COP1: variants seen among roughly 807,000 people sequenced by gnomAD.
COP1 encodes COP1 E3 ubiquitin ligase.
In COP1, 24 loss-of-function variants were observed where a neutral mutation model predicts 101.3. The ratio of observed to expected loss-of-function variants is 0.24; its 90% confidence interval spans 0.17 to 0.33. The LOEUF (loss-of-function observed/expected upper bound fraction) is 0.33, where lower values mean the gene tolerates loss of function less well. Ranked by LOEUF, COP1 falls within the 10% of genes least tolerant of loss-of-function variation. The pLI, the probability that COP1 is intolerant of heterozygous loss-of-function variation, is 1.00. For synonymous variants in COP1, 347 were observed against 341.9 expected, an observed-to-expected ratio of 1.01 and a Z score of -0.17; for missense variants, 663 against 906.2, an observed-to-expected ratio of 0.73 and a Z score of 3.45.
intron 6 of COP1, among the ~76,000 whole-genome samples, chr1:176,141,735 CTTT>C (rs113303187): frequency 7.0e-6 from 1 of 142,248 alleles, no homozygotes. Context: ...TTTTTCTTTT[CTTT>C]TTTTTTTTTT....
At chr1:176,061,362 T>C (rs1467058913) in intron 11 of COP1, among the ~76,000 whole-genome samples, 1 of 152,214 alleles carries the variant, frequency 6.6e-6, no homozygotes, top group Non-Finnish European at 1.5e-5. Context: ...GCATGGTGGC[T>C]CACGCCTGTA....
intron 9 of COP1, among the ~76,000 whole-genome samples, chr1:176,096,970 G>C (rs1197397810): frequency 1.3e-5 from 2 of 152,008 alleles, no homozygotes; most frequent in Non-Finnish European, 2.9e-5. Flanking sequence ...AGTCCTTTTT[G>C]GTTTGATACC....
At chr1:176,036,481 C>A in intron 14 of COP1, among the ~76,000 whole-genome samples, 2 of 141,978 alleles carry the variant, frequency 1.4e-5, no homozygotes, top group Non-Finnish European at 3.0e-5. Flanking sequence ...CACAGCTTCT[C>A]AGAGGTAATG....
chr1:175,971,643 C>A (rs764172564), intron 18 of COP1, among the ~76,000 whole-genome samples: 6 of 152,176 alleles, frequency 3.9e-5, no homozygotes, highest in Non-Finnish European at 7.3e-5. Context: ...TTCCCATGAG[C>A]TATTTCTGAG....
intron 14 of COP1, among the ~76,000 whole-genome samples, chr1:176,038,741 C>T (rs894861657): frequency 6.6e-6 from 1 of 151,928 alleles, no homozygotes; most frequent in Non-Finnish European, 1.5e-5. Context: ...TCGCTTGAAC[C>T]CGGGAGGCGG....
At chr1:175,968,511 T>C (rs1335640065) in intron 18 of COP1, 1 of 518,946 alleles carries the variant, frequency 1.9e-6, no homozygotes, top group Admixed American at 1.9e-5. Context: ...TTTTCATTTG[T>C]CCACATGGCT....
At chr1:175,949,909 AACTTCTG>A (rs1271980399) in intron 18 of COP1, among the ~76,000 whole-genome samples, 1 of 152,204 alleles carries the variant, frequency 6.6e-6, no homozygotes, top group Non-Finnish European at 1.5e-5. Context: ...ACATAATTGA[AACTTCTG>A]ACTTCTGATG....
intron 6 of COP1, among the ~76,000 whole-genome samples, chr1:176,144,354 T>C (rs1399481203): frequency 6.6e-6 from 1 of 152,148 alleles, no homozygotes; most frequent in Non-Finnish European, 1.5e-5. Context: ...TCATTTACAA[T>C]AGTATCAAAA....
At chr1:175,998,063 TA>T (rs57110017) in intron 15 of COP1, among the ~76,000 whole-genome samples, 1,647 of 66,804 alleles carry the variant, frequency 0.025, 8 homozygotes, top group Middle Eastern at 0.045. Context: ...AGAGTATAAT[TA>T]AAAAAAAAAA....
intron 9 of COP1, among the ~76,000 whole-genome samples, chr1:176,101,055 A>G (rs1413329629): frequency 1.3e-5 from 2 of 152,194 alleles, no homozygotes; most frequent in Admixed American, 6.5e-5. Context: ...GCTACTATCC[A>G]TGGCATAAAT....
chr1:176,041,808 A>G (rs1273718153), intron 14 of COP1, among the ~76,000 whole-genome samples: 1 of 152,094 alleles, frequency 6.6e-6, no homozygotes. Context: ...TCTACTAAAA[A>G]TTTTTAAAAA....
chr1:176,003,672 G>A (rs1179331508), intron 15 of COP1, among the ~76,000 whole-genome samples: 9 of 152,086 alleles, frequency 5.9e-5, no homozygotes, highest in East Asian at 3.9e-4. Context: ...GATACGTGGC[G>A]TTATTTCTGA....
intron 11 of COP1, among the ~76,000 whole-genome samples, chr1:176,070,766 C>T (rs1038961802): frequency 6.6e-5 from 10 of 152,168 alleles, no homozygotes; most frequent in Admixed American, 4.6e-4. Flanking sequence ...ATCCTTCCAC[C>T]TCACCCTCCT....
Position 175,949,168 on chromosome 1 carries a change from CAAAA to C in COP1, c.2134-1933_2134-1930del, listed in dbSNP as rs56280543. Among the ~76,000 whole-genome samples the C allele has an allele frequency of 4.0e-3, 174 of 43,156 alleles. 4 individuals carry two copies. Among genetic ancestry groups the C allele is most frequent in the African/African-American group, 0.017 (162 of 9,710 alleles). 28.3% of individuals were successfully genotyped at this position (43,156 alleles called of 152,430 possible). ...GAGAGACTCCAGCAAGGCTCCGTCTCAAAAAAAAAAAAAAAAAAAAAAAATGAAC... is the reference window on the plus strand; with the variant it reads ...GAGAGACTCCAGCAAGGCTCCGTCTCAAAAAAAAAAAAAAAAAAAATGAAC... On this transcript the variant is annotated intron_variant, in intron 18 of 19. Coordinates refer to ENST00000367669, the MANE Select transcript of COP1 (RefSeq NM_022457.7).
intron 14 of COP1, among the ~76,000 whole-genome samples, chr1:176,041,030 C>T (rs1431797305): frequency 6.6e-6 from 1 of 151,186 alleles, no homozygotes; most frequent in African/African-American, 2.4e-5. Flanking sequence ...ATACAAGAAA[C>T]AGAAAAAAAA....
chr1:176,202,601 G>A (rs1700383453), intron 1 of COP1, among the ~76,000 whole-genome samples: 1 of 151,546 alleles, frequency 6.6e-6, no homozygotes, highest in Non-Finnish European at 1.5e-5. Flanking sequence ...GAGAGGCTAA[G>A]ACATGAAGAT....
intron 6 of COP1, among the ~76,000 whole-genome samples, chr1:176,144,471 T>G (rs772914857): frequency 6.6e-5 from 10 of 152,128 alleles, no homozygotes; most frequent in Admixed American, 2.6e-4. Context: ...ATTCACAGAT[T>G]AGAAGACTGA....
chr1:175,983,558 T>C (rs539706776), intron 18 of COP1, among the ~76,000 whole-genome samples: 3 of 151,974 alleles, frequency 2.0e-5, no homozygotes, highest in South Asian at 2.1e-4. Flanking sequence ...ATACAGAAAA[T>C]TGGTACCAGA....
chr1:175,980,974 C>A (rs369726649), intron 18 of COP1, among the ~76,000 whole-genome samples: 1 of 152,038 alleles, frequency 6.6e-6, no homozygotes, highest in Non-Finnish European at 1.5e-5. Flanking sequence ...ATACTTAAAA[C>A]ACTTCATATT....
Sources: allele counts gnomAD v4.1 joint callset (sites outside exome capture counted in the v4.1 genomes callset), GRCh38; gene constraint gnomAD v4.1.1; transcripts MANE v1.5; gene names NCBI Gene and HGNC (gene_info 2026-07-23, HGNC 2026-07-21).